TMTC4: variants seen among roughly 807,000 people sequenced by gnomAD.
TMTC4 encodes the protein protein O-mannosyl-transferase TMTC4.
A neutral mutation model predicts 86.0 loss-of-function variants in TMTC4; 65 were observed. That is an observed-to-expected ratio of 0.76 (90% CI 0.62 to 0.93). The LOEUF (loss-of-function observed/expected upper bound fraction) is 0.93. TMTC4 is among the 40% of genes least tolerant of loss of function. TMTC4 has a pLI of 0.00. For missense variants in TMTC4, 866 were observed against 948.1 expected (o/e 0.91, Z 1.14); for synonymous variants, 379 against 382.5 (o/e 0.99, Z 0.11).
At chr13:100,648,179 T>G (rs1169073881) in intron 6 of TMTC4, among the ~76,000 whole-genome samples, 3 of 152,180 alleles carry the variant, frequency 2.0e-5, no homozygotes, top group African/African-American at 4.8e-5. Context: ...GGCTCAATGG[T>G]CAGAGATAAA....
chr13:100,673,447 C>CCTAT (rs1247942819), intron 1 of TMTC4, among the ~76,000 whole-genome samples: 1 of 152,210 alleles, frequency 6.6e-6, no homozygotes, highest in Non-Finnish European at 1.5e-5. Context: ...AGCCAGCCAT[C>CCTAT]CTATGCACGC....
intron 6 of TMTC4, among the ~76,000 whole-genome samples, chr13:100,650,723 C>T (rs1435541791): frequency 6.6e-6 from 1 of 152,154 alleles, no homozygotes; most frequent in Non-Finnish European, 1.5e-5. Flanking sequence ...AATGAAGCAA[C>T]CAAAGAAACA....
intron 1 of TMTC4, 91 bp downstream of exon 1, chr13:100,674,653 C>G: frequency 3.1e-6 from 3 of 982,834 alleles, no homozygotes; most frequent in Non-Finnish European, 3.6e-6. Context: ...GCTCGGGACA[C>G]GGCGGCAGCG....
chr13:100,637,779 G>T (rs1882469307), intron 8 of TMTC4, 77 bp from the exon 9 acceptor site: 2 of 1,575,010 alleles, frequency 1.3e-6, no homozygotes, highest in South Asian at 2.3e-5. Context: ...CAGATGTGCA[G>T]CAATTCTGCC....
At position 100,636,703 on chromosome 13, in the gene TMTC4, T is replaced by G; in HGVS notation, c.1031A>C (p.Asn344Thr). The change falls in exon 10 of 19, where the codon AAT becomes ACT. Residue 344 changes from asparagine (N) to threonine (T), a missense_variant. By Grantham distance (65) the Asn-to-Thr change is moderately conservative (BLOSUM62 0). Coordinates refer to ENST00000342624, the MANE Select transcript of TMTC4 (RefSeq NM_032813.5). ...CCAGGGACACAGCAGCAGCCAGGCA[T>G]TCAATGAATAGTAGTAATTGTAGTT... is the stretch of plus-strand genomic sequence containing the variant. ...AVNYNYYYSL[N>T]AWLLLCPWWL... 6.2e-7 allele frequency: 1 copy of G among 1,614,168 alleles called. No homozygotes were observed.
chr13:100,605,737 G>T lies in TMTC4; in HGVS notation c.2135-595C>A, dbSNP rs1876486006. On this transcript the variant is annotated intron_variant, in intron 18 of 18. Coordinates refer to ENST00000342624, the MANE Select transcript of TMTC4 (RefSeq NM_032813.5). The surrounding 1 kb of genome is among the most constrained non-coding windows in gnomAD (Gnocchi z 4.3). The stretch of plus-strand genomic sequence containing the variant: ...CTATATGGGCAGAAGAGCATCTGTG[G>T]ACGCTTTTTGGCTTTTGTGAAGAGA... Among the ~76,000 whole-genome samples, 1 of 152,174 alleles carries T rather than the reference G, an allele frequency of 6.6e-6. No individual in the cohort carries two copies. Among genetic ancestry groups the T allele is most frequent in the Non-Finnish European group, 1.5e-5 (1 of 68,024 alleles).
chr13:100,634,918 C>G lies in TMTC4; in HGVS notation c.1393G>C (p.Val465Leu). ...GTGTTGATGAATAAGATTCCCAGCACGACAGCGGCAATGAGTTTCTTAAGA... is the reference window on the plus strand; with the variant it reads ...GTGTTGATGAATAAGATTCCCAGCAGGACAGCGGCAATGAGTTTCTTAAGA... ...TKKKKLIAAV[V>L]LGILFINTLR... Residue 465 changes from valine (V) to leucine (L), a missense_variant, in exon 12 of 19, where the codon GTG becomes CTG. Transcript: ENST00000342624. 6.2e-7 allele frequency: 1 copy of G among 1,614,038 alleles called. No homozygotes were observed. Among genetic ancestry groups the G allele is most frequent in the Non-Finnish European group, 8.5e-7 (1 of 1,179,992 alleles).
chr13:100,606,273 C>T (rs542575188), intron 18 of TMTC4, 85 bp downstream of exon 18: 2 of 1,186,052 alleles, frequency 1.7e-6, no homozygotes, highest in East Asian at 4.8e-5. Context: ...AAAAACTACT[C>T]TCCCAACATT....
At chr13:100,637,326 T>G (rs555248569) in intron 9 of TMTC4, among the ~76,000 whole-genome samples, 16 of 152,212 alleles carry the variant, frequency 1.1e-4, no homozygotes, top group African/African-American at 3.4e-4. Flanking sequence ...AGAACGGAAA[T>G]GCAAGGAGCT....
At chr13:100,658,738 T>C (rs1383443445) in intron 5 of TMTC4, among the ~76,000 whole-genome samples, 1 of 152,242 alleles carries the variant, frequency 6.6e-6, no homozygotes, top group Non-Finnish European at 1.5e-5. Context: ...TGTTTCTTTC[T>C]GCTAATTGCT....
rs374414638 is a variant in TMTC4 at position 100,638,040 on chromosome 13, G to A, written c.742-18C>T. On this transcript the variant is annotated intron_variant, in intron 7 of 18. Transcript: ENST00000342624. ...TTTAAACCCTAAGAAAGCAAAGCAA[G>A]ACAATCAGCCACGGGAGAGCTTGGC... 6.2e-5 allele frequency: 100 copies of A among 1,607,298 alleles called. No individual in the cohort carries two copies. Among genetic ancestry groups the A allele is most frequent in the Non-Finnish European group, 7.9e-5 (93 of 1,175,056 alleles).
At chr13:100,639,192 G>T (rs1217042532) in intron 7 of TMTC4, among the ~76,000 whole-genome samples, 2 of 152,190 alleles carry the variant, frequency 1.3e-5, no homozygotes, top group African/African-American at 2.4e-5. Context: ...CACATCATCA[G>T]AAGTCAGTGG....
rs112190943 is a variant in TMTC4, at chr13:100,630,041, G to A, written c.1507-3891C>T. Among the ~76,000 whole-genome samples the A allele has an allele frequency of 3.4e-3, 514 of 150,672 alleles. 4 individuals carry two copies. The highest frequency in any genetic ancestry group is 7.8e-3 in the African/African-American group (323 of 41,178). On this transcript the variant is annotated intron_variant, in intron 12 of 18. Coordinates refer to ENST00000342624, the MANE Select transcript of TMTC4 (RefSeq NM_032813.5). ...AATCTGTGTGTATGTGTGTGTGTGT[G>A]TGTGTGTGTGTGTGTGTGTGTGTGT...
At chr13:100,671,986 G>A (rs1006648039) in intron 1 of TMTC4, among the ~76,000 whole-genome samples, 2 of 151,944 alleles carry the variant, frequency 1.3e-5, no homozygotes, top group African/African-American at 2.4e-5. Flanking sequence ...TGGACTTGCC[G>A]GCTGCACGAC....
chr13:100,615,733 G>A (rs567127174), intron 15 of TMTC4, among the ~76,000 whole-genome samples: 7 of 152,330 alleles, frequency 4.6e-5, no homozygotes, highest in East Asian at 1.9e-4. Context: ...GATTACAGGC[G>A]TGGGCCACCG....
rs755802433 is a variant in TMTC4, at chr13:100,626,158, CAG to C, written c.1507-10_1507-9del. On this transcript the variant is annotated splice_polypyrimidine_tract_variant and intron_variant, in intron 12 of 18. Transcript: ENST00000342624. Reference sequence around the variant, plus strand: ...GCCAATGTTGTAGTGAACCTGCAGACAGAGAATAATTGGGCCATCAGCAGACA... The same window carrying C: ...GCCAATGTTGTAGTGAACCTGCAGACAGAATAATTGGGCCATCAGCAGACA... 5.6e-6 allele frequency: 9 copies of C among 1,614,084 alleles called. No homozygotes were observed. Among genetic ancestry groups the C allele is most frequent in the Non-Finnish European group, 7.6e-6 (9 of 1,179,984 alleles).
chr13:100,664,220 C>T lies in TMTC4; in HGVS notation c.335+1G>A, dbSNP rs1330398426. The T allele has an allele frequency of 1.2e-6, 2 of 1,606,448 alleles. No homozygotes were observed. Among genetic ancestry groups the T allele is most frequent in the East Asian group, 2.2e-5 (1 of 44,496 alleles). On this transcript the variant is annotated splice_donor_variant, in intron 4 of 18. Coordinates refer to ENST00000342624, the MANE Select transcript of TMTC4 (RefSeq NM_032813.5). LOFTEE classifies it high-confidence loss of function. ...CCAGGCCCTTCAATGTCACAGCTTA[C>T]CTGAAAGTCAGGACGGTGAGAGGCC...
At chr13:100,632,015 CCACACACACA>C (rs60522457) in intron 12 of TMTC4, among the ~76,000 whole-genome samples, 53 of 99,366 alleles carry the variant, frequency 5.3e-4, no homozygotes, top group African/African-American at 2.0e-3. Flanking sequence ...TAAGAGGAAA[CCACACACACA>C]CACACACACA....
At chr13:100,673,436 T>G in intron 1 of TMTC4, 1 of 874,244 alleles carries the variant, frequency 1.1e-6, no homozygotes, top group Non-Finnish European at 1.4e-6. Context: ...TTCAATCACA[T>G]AGCCAGCCAT....
Sources: allele counts gnomAD v4.1 joint callset (sites outside exome capture counted in the v4.1 genomes callset), GRCh38; gene constraint gnomAD v4.1.1; non-coding constraint Gnocchi (gnomAD v3.1); transcripts MANE v1.5; gene names NCBI Gene and HGNC (gene_info 2026-07-23, HGNC 2026-07-21).